ZNF845: variants seen among roughly 807,000 people sequenced by gnomAD.
ZNF845 encodes the protein zinc finger protein 845.
ZNF845 carries 59 observed loss-of-function variants against 76.1 expected under a neutral mutation model. That is an observed-to-expected ratio of 0.78 (90% confidence interval 0.63 to 0.96). ZNF845 has a LOEUF of 0.96. ZNF845 is among the 40% of genes least tolerant of loss of function. The pLI, the probability that ZNF845 is intolerant of heterozygous loss-of-function variation, is 0.00. For synonymous variants in ZNF845, 361 were observed against 386.9 expected, an observed-to-expected ratio of 0.93 and a Z score of 0.78; for missense variants, 1,045 against 1,172.8, an observed-to-expected ratio of 0.89 and a Z score of 1.59.
intron 1 of ZNF845, among the ~76,000 whole-genome samples, chr19:53,339,668 C>T (rs2085242536): frequency 6.6e-6 from 1 of 152,224 alleles, no homozygotes; most frequent in Non-Finnish European, 1.5e-5. Flanking sequence ...GGAAGCCTCT[C>T]CTCTTTCTGC....
Position 53,340,407 on chromosome 19 carries a change from C to G in ZNF845, c.-73-828C>G, listed in dbSNP as rs966554619. ...GGCCCCATGGCCCCTGCAGACCTCT[C>G]CCCTGAACGCTACAGTCCTGTGTCC... On this transcript the variant is annotated intron_variant, in intron 1 of 3. Coordinates refer to ENST00000458035, the MANE Select transcript of ZNF845 (RefSeq NM_138374.3). Among the ~76,000 whole-genome samples the G allele has an allele frequency of 2.0e-5, 3 of 152,130 alleles. No homozygotes were observed. In the East Asian group the frequency reaches 5.8e-4, roughly 29 times the overall value.
intron 2 of ZNF845, 37 bp from the exon 3 acceptor site, chr19:53,345,469 C>G: frequency 6.2e-7 from 1 of 1,613,354 alleles, no homozygotes; most frequent in East Asian, 2.2e-5. Flanking sequence ...AAGAACTCCT[C>G]CCATAACCAT....
chr19:53,336,209 CAAA>C (rs34338136), intron 1 of ZNF845, among the ~76,000 whole-genome samples: 7 of 112,768 alleles, frequency 6.2e-5, no homozygotes, highest in Non-Finnish European at 9.2e-5. Flanking sequence ...GACTCCATCT[CAAA>C]AAAAAAAAAA....
At chr19:53,346,783 C>T (rs770623393) in intron 3 of ZNF845, among the ~76,000 whole-genome samples, 4 of 152,188 alleles carry the variant, frequency 2.6e-5, no homozygotes, top group South Asian at 2.1e-4. Context: ...TTCAATATCA[C>T]GTACAGTGTT....
intron 3 of ZNF845, among the ~76,000 whole-genome samples, chr19:53,347,960 C>T (rs1304796968): frequency 2.6e-5 from 4 of 152,184 alleles, no homozygotes; most frequent in East Asian, 1.9e-4. Flanking sequence ...GATGCTGAGA[C>T]GGGCGGATCA....
intron 1 of ZNF845, among the ~76,000 whole-genome samples, chr19:53,340,375 C>CCCCCATGG (rs1472106770): frequency 6.6e-6 from 1 of 152,240 alleles, no homozygotes; most frequent in East Asian, 1.9e-4. Context: ...TTAAACTTTA[C>CCCCCATGG]CCCCATGGCC....
rs1463312257 is a variant in ZNF845 at position 53,352,534 on chromosome 19, C to T, written c.1859C>T (p.Ser620Leu). 3 of 1,607,118 alleles carry T rather than the reference C, an allele frequency of 1.9e-6. No individual in the cohort carries two copies. In the South Asian group the frequency reaches 3.3e-5, roughly 18 times the overall value. Reference sequence around the variant, plus strand: ...TGTGGCAAATTTTTCAGACATCGTTCATACCTTGCAGTTCATTGGCGAACT... The same window carrying T: ...TGTGGCAAATTTTTCAGACATCGTTTATACCTTGCAGTTCATTGGCGAACT... ...NRCGKFFRHR[S>L]YLAVHWRTHS... is the part of the protein sequence containing the mutation. The change falls in exon 4 of 4, where the codon TCA becomes TTA. Residue 620 changes from serine (S) to leucine (L), a missense_variant. By Grantham distance (145) the Ser-to-Leu change is moderately radical (BLOSUM62 -2). Transcript: ENST00000458035.
intron 1 of ZNF845, among the ~76,000 whole-genome samples, chr19:53,337,976 C>T (rs566408588): frequency 1.3e-5 from 2 of 152,302 alleles, no homozygotes; most frequent in African/African-American, 2.4e-5. Context: ...GCTGGGATTA[C>T]AGGCAAGAGC....
Position 53,338,712 on chromosome 19 carries a change from A to ACACGCACACACACTCC in ZNF845, c.-73-2520_-73-2519insGCACACACACTCCCAC, listed in dbSNP as rs1555821739. On this transcript the variant is annotated intron_variant, in intron 1 of 3. Coordinates refer to ENST00000458035, the MANE Select transcript of ZNF845 (RefSeq NM_138374.3). ...CACGTGAGCACACACACACACACAC[A>ACACGCACACACACTCC]CACACACACGCACACACACACTCCC... Among the ~76,000 whole-genome samples the ACACGCACACACACTCC allele has an allele frequency of 8.4e-5, 12 of 142,294 alleles. No individual in the cohort carries two copies. In the East Asian group the frequency reaches 2.3e-3, roughly 28 times the overall value. The allele number at this position is 142,294 out of a possible 152,430, so 93.4% of individuals were successfully genotyped here. A position where few individuals can be genotyped will look rare whatever the true frequency, so the allele number is the denominator to read the frequency against.
intron 1 of ZNF845, among the ~76,000 whole-genome samples, chr19:53,335,127 A>T (rs985584689): frequency 5.3e-5 from 8 of 152,288 alleles, no homozygotes; most frequent in East Asian, 1.9e-4. Context: ...TGGAATCCCT[A>T]TTCAGCCAGA....
chr19:53,337,213 T>C, intron 1 of ZNF845: 1 of 456,304 alleles, frequency 2.2e-6, no homozygotes. Flanking sequence ...TTACCCTGTG[T>C]TCCTAAATGA....
intron 2 of ZNF845, among the ~76,000 whole-genome samples, chr19:53,342,637 A>G (rs1422803260): frequency 6.6e-6 from 1 of 152,026 alleles, no homozygotes; most frequent in Non-Finnish European, 1.5e-5. Flanking sequence ...GTATTTCTGC[A>G]TCGTTACGAG....
In ZNF845 at chr19:53,353,562, A is replaced by G. The variant is rs753371513; in HGVS notation, c.2887A>G (p.Arg963Gly). 5.0e-6 allele frequency: 8 copies of G among 1,604,260 alleles called. No individual in the cohort carries two copies. In the African/African-American group the frequency reaches 8.1e-5, roughly 16 times the overall value. ...AAAAGCAAAACTTGCACGTCATCAT[A>G]GAATTCATACTGGAAAGAAACATTA... ...NRKAKLARHHRIHTGKKH is the reference protein window; with the variant it reads ...NRKAKLARHHGIHTGKKH The change falls in exon 4 of 4, where the codon AGA becomes GGA. Residue 963 changes from arginine to glycine, a missense_variant. Physicochemically the swap from Arg to Gly is moderately radical, Grantham distance 125. Transcript: ENST00000458035.
chr19:53,338,619 C>T lies in ZNF845; in HGVS notation c.-73-2616C>T, dbSNP rs112482134. The stretch of plus-strand genomic sequence containing the variant: ...GCAAACAGCACCGTGAACTGCAGCC[C>T]GAGGGCCACCTCCTCCTGCCAGGCC... On this transcript the variant is annotated intron_variant, in intron 1 of 3. Transcript: ENST00000458035. 1.9e-4 allele frequency among the ~76,000 whole-genome samples: 20 copies of T among 103,028 alleles called. 4 individuals are homozygous for T. The highest frequency in any genetic ancestry group is 2.4e-4 in the Non-Finnish European group (11 of 45,862). The allele number at this position is 103,028 out of a possible 152,430, so 67.6% of individuals were successfully genotyped here. A position where few individuals can be genotyped will look rare whatever the true frequency, so the allele number is the denominator to read the frequency against.
At chr19:53,341,396 T>C in intron 2 of ZNF845, 74 bp downstream of exon 2, 1 of 1,601,166 alleles carries the variant, frequency 6.2e-7, no homozygotes, top group Non-Finnish European at 8.6e-7. Flanking sequence ...TTGGGAATCT[T>C]CTCTGAGTCT....
At chr19:53,334,010 A>G (rs992962219) in intron 1 of ZNF845, among the ~76,000 whole-genome samples, 2 of 152,194 alleles carry the variant, frequency 1.3e-5, no homozygotes, top group African/African-American at 4.8e-5. Flanking sequence ...CTATAGGGCA[A>G]TGTATACACT....
rs762283354 is a variant in ZNF845, at chr19:53,351,234, C to A, written c.559C>A (p.His187Asn). 1.5e-4 allele frequency: 247 copies of A among 1,614,072 alleles called. No homozygotes were observed. Among genetic ancestry groups the A allele is most frequent in the Non-Finnish European group, 2.0e-4 (235 of 1,180,044 alleles). ...SQRISCRPKT[H>N]ISKNYGNNFL... ...AAGAATTTCTTGTAGGCCTAAAACC[C>A]ACATTTCTAAGAACTATGGGAATAA... Residue 187 changes from histidine to asparagine, a missense_variant, in exon 4 of 4, where the codon CAC becomes AAC. His to Asn is a moderately conservative substitution (Grantham distance 68, BLOSUM62 1). Transcript: ENST00000458035.
intron 1 of ZNF845, among the ~76,000 whole-genome samples, chr19:53,338,693 AGCACACACACACACACACACACACACAC>A (rs1014980816): frequency 6.8e-5 from 6 of 88,498 alleles, no homozygotes; most frequent in African/African-American, 6.8e-5. Context: ...ACAACACGTG[AGCACACACACACACACACACACACACAC>A]GCACACACAC....
At chr19:53,347,574 T>C (rs529168346) in intron 3 of ZNF845, among the ~76,000 whole-genome samples, 1 of 152,302 alleles carries the variant, frequency 6.6e-6, no homozygotes, top group East Asian at 1.9e-4. Context: ...ATTACAGGCA[T>C]GAACCACCGT....
Sources: allele counts gnomAD v4.1 joint callset (sites outside exome capture counted in the v4.1 genomes callset), GRCh38; gene constraint gnomAD v4.1.1; transcripts MANE v1.5; gene names NCBI Gene and HGNC (gene_info 2026-07-23, HGNC 2026-07-21).